CACNA1E: variants seen among roughly 807,000 people sequenced by gnomAD.
CACNA1E encodes the protein voltage-dependent R-type calcium channel subunit alpha-1E.
Under a neutral mutation model 259.2 loss-of-function variants are expected in CACNA1E, and 40 were observed. The ratio of observed to expected loss-of-function variants is 0.15; its 90% CI spans 0.12 to 0.20. The LOEUF (loss-of-function observed/expected upper bound fraction) is 0.20. Among genes scored for constraint, CACNA1E ranks in the 10% least tolerant of loss-of-function variants. CACNA1E has a pLI of 1.00. For missense variants in CACNA1E, 1,874 were observed against 3,040.1 expected (o/e 0.62, Z 9.02); for synonymous variants, 1,104 against 1,138.5 (o/e 0.97, Z 0.61).
intron 7 of CACNA1E, among the ~76,000 whole-genome samples, chr1:181,702,943 G>A (rs1168417593): frequency 6.6e-6 from 1 of 152,146 alleles, no homozygotes; most frequent in Non-Finnish European, 1.5e-5. Flanking sequence ...GCAGTATAAT[G>A]TAAGCTCTGT....
chr1:181,665,775 T>A (rs993212695), intron 7 of CACNA1E, among the ~76,000 whole-genome samples: 1 of 151,996 alleles, frequency 6.6e-6, no homozygotes, highest in African/African-American at 2.4e-5. Flanking sequence ...ATGAAAAAAA[T>A]TTAAAAAGAT....
At chr1:181,333,145 C>T (rs1284311250) in intron 1 of CACNA1E, among the ~76,000 whole-genome samples, 2 of 152,160 alleles carry the variant, frequency 1.3e-5, no homozygotes, top group African/African-American at 4.8e-5. Flanking sequence ...CGCCACTGAG[C>T]AGGCCCACAG....
chr1:181,442,287 A>AC (rs1660541128), intron 2 of CACNA1E, among the ~76,000 whole-genome samples: 1 of 149,754 alleles, frequency 6.7e-6, no homozygotes, highest in Admixed American at 6.6e-5. Flanking sequence ...TATGAGGGTC[A>AC]GGGCATGAGG....
At chr1:181,547,035 C>T (rs911746184) in intron 3 of CACNA1E, among the ~76,000 whole-genome samples, 3 of 152,178 alleles carry the variant, frequency 2.0e-5, no homozygotes, top group South Asian at 4.1e-4. Context: ...GGCTTCTTGC[C>T]GTCATTTTCT....
At chr1:181,641,383 C>T (rs1657731276) in intron 6 of CACNA1E, among the ~76,000 whole-genome samples, 1 of 152,214 alleles carries the variant, frequency 6.6e-6, no homozygotes, top group South Asian at 2.1e-4. Context: ...TGATCTGATC[C>T]TTCAGGTCTT....
intron 3 of CACNA1E, among the ~76,000 whole-genome samples, chr1:181,561,441 C>T (rs1239433218): frequency 1.3e-5 from 2 of 152,166 alleles, no homozygotes; most frequent in African/African-American, 2.4e-5. Context: ...CTTCCAGCCT[C>T]TTTCTAGTTA....
intron 3 of CACNA1E, among the ~76,000 whole-genome samples, chr1:181,529,897 T>C: frequency 6.6e-6 from 1 of 152,188 alleles, no homozygotes; most frequent in East Asian, 1.9e-4. Context: ...TGTGGACTTT[T>C]GGGTTAATGC....
intron 15 of CACNA1E, among the ~76,000 whole-genome samples, chr1:181,721,082 CCTT>C (rs1654373839): frequency 6.6e-6 from 1 of 152,208 alleles, no homozygotes. Flanking sequence ...ATCTCACTGT[CCTT>C]CTCTCACACC....
intron 34 of CACNA1E, among the ~76,000 whole-genome samples, chr1:181,764,064 C>T (rs1314537542): frequency 6.6e-6 from 1 of 152,142 alleles, no homozygotes; most frequent in African/African-American, 2.4e-5. Context: ...ATACTAATGG[C>T]CACCTCTGTG....
At chr1:181,714,741 A>C (rs931354495) in intron 8 of CACNA1E, among the ~76,000 whole-genome samples, 2 of 152,264 alleles carry the variant, frequency 1.3e-5, no homozygotes, top group African/African-American at 4.8e-5. Context: ...GATTGGCCCA[A>C]GCCTCTTTGG....
At chr1:181,476,822 G>A (rs1272039441) in intron 2 of CACNA1E, among the ~76,000 whole-genome samples, 14 of 152,156 alleles carry the variant, frequency 9.2e-5, no homozygotes, top group Admixed American at 9.2e-4. Context: ...TGGGAGCTGG[G>A]GCGCTGCTGA....
At chr1:181,394,795 A>G (rs527244614) in intron 1 of CACNA1E, among the ~76,000 whole-genome samples, 2 of 152,342 alleles carry the variant, frequency 1.3e-5, no homozygotes, top group South Asian at 4.1e-4. Flanking sequence ...AGAAACAGTC[A>G]GTGCAAATGC....
chr1:181,431,183 A>G lies in CACNA1E; in HGVS notation c.434+17603A>G, dbSNP rs567041833. On this transcript the variant is annotated intron_variant, in intron 2 of 11. Coordinates refer to the CACNA1E transcript ENST00000524607. ...AAATTGGAGCTCTGCTTTAAAGTAAATTTCAATAGAAGATTGTTGTTGTTT... is the reference window on the plus strand; with the variant it reads ...AAATTGGAGCTCTGCTTTAAAGTAAGTTTCAATAGAAGATTGTTGTTGTTT... Among the ~76,000 whole-genome samples, 3 of 152,312 alleles carry G rather than the reference A, an allele frequency of 2.0e-5. No homozygotes were observed. The South Asian group carries it at 6.2e-4, about 32-fold the overall frequency.
intron 2 of CACNA1E, among the ~76,000 whole-genome samples, chr1:181,416,414 C>T (rs1658279141): frequency 6.6e-6 from 1 of 152,182 alleles, no homozygotes; most frequent in African/African-American, 2.4e-5. Context: ...GTTTCAGCTT[C>T]AGCTTTTCAG....
chr1:181,554,274 A>C (rs1648495427), intron 3 of CACNA1E, among the ~76,000 whole-genome samples: 1 of 152,128 alleles, frequency 6.6e-6, no homozygotes, highest in Non-Finnish European at 1.5e-5. Flanking sequence ...CCGCTTCCCA[A>C]AGTGCTTGGG....
At chr1:181,642,270 G>C (rs1657859272) in intron 6 of CACNA1E, among the ~76,000 whole-genome samples, 1 of 152,160 alleles carries the variant, frequency 6.6e-6, no homozygotes, top group African/African-American at 2.4e-5. Context: ...TCTGCAAGAT[G>C]ATAAAGGTTA....
At position 181,353,592 on chromosome 1, in the gene CACNA1E, G is replaced by A. The variant is rs184312511; in HGVS notation, c.-15+35469G>A. On this transcript the variant is annotated intron_variant, in intron 1 of 11. Transcript: ENST00000524607. ...TGGCATGAATATGCTGTTGGGTGAC[G>A]GATGGGGGTGGGAAGAGATGTCAGT... is the stretch of plus-strand genomic sequence containing the variant. 6.8e-3 allele frequency among the ~76,000 whole-genome samples: 1,032 copies of A among 152,320 alleles called. 19 individuals carry two copies. Among genetic ancestry groups the A allele is most frequent in the South Asian group, 0.067 (322 of 4,822 alleles).
chr1:181,475,834 C>A (rs1662809538), intron 2 of CACNA1E, among the ~76,000 whole-genome samples: 1 of 152,044 alleles, frequency 6.6e-6, no homozygotes, highest in African/African-American at 2.4e-5. Context: ...TGCAGCTACC[C>A]CTAACTTCAT....
chr1:181,732,427 C>A lies in CACNA1E; in HGVS notation c.2341C>A (p.Arg781Ser). 1 of 1,545,722 alleles carries A rather than the reference C, an allele frequency of 6.5e-7. No homozygotes were observed. The highest frequency in any genetic ancestry group is 2.0e-5 in the Admixed American group (1 of 50,002). Reference protein sequence around the residue: ...RRHHMSVWEQRTSQLRKHMQM... With the variant: ...RRHHMSVWEQSTSQLRKHMQM... The stretch of plus-strand genomic sequence containing the variant: ...GCACCACATGTCCGTGTGGGAGCAG[C>A]GTACCAGCCAGCTGAGGAAGCACAT... Residue 781 changes from arginine (R) to serine (S), a missense_variant, in exon 20 of 48, where the codon CGT becomes AGT. By Grantham distance (110) the Arg-to-Ser change is moderately radical. Around this residue, in one of 14 missense-constraint regions of CACNA1E, gnomAD observed 476 missense variants for 514.0 expected, o/e 0.93. Coordinates refer to ENST00000367573, the MANE Select transcript of CACNA1E (RefSeq NM_001205293.3). This position sits in a 1 kb window ranked among gnomAD's most constrained non-coding sequence, Gnocchi z 5.5.
Sources: allele counts gnomAD v4.1 joint callset (sites outside exome capture counted in the v4.1 genomes callset), GRCh38; gene constraint gnomAD v4.1.1; regional missense constraint gnomAD v4.1.1; non-coding constraint Gnocchi (gnomAD v3.1); transcripts MANE v1.5; gene names NCBI Gene and HGNC (gene_info 2026-07-23, HGNC 2026-07-21).